The following FUT8 variants were observed in gnomAD, a reference collection of about 807,000 sequenced individuals.
FUT8 encodes the protein alpha-(1,6)-fucosyltransferase.
FUT8 carries 29 observed loss-of-function variants against 71.3 expected under a neutral mutation model. The observed-to-expected ratio is 0.41, with a 90% confidence interval of 0.30 to 0.55. The LOEUF (loss-of-function observed/expected upper bound fraction) is 0.55. FUT8 is among the 20% of genes least tolerant of loss of function. The pLI, the probability that FUT8 is intolerant of heterozygous loss-of-function variation, is 0.34. For missense variants in FUT8, 544 were observed against 702.1 expected (o/e 0.77, Z 2.55); for synonymous variants, 254 against 239.3 (o/e 1.06, Z -0.57).
At chr14:65,505,708 A>C (rs1163881200) in intron 2 of FUT8, among the ~76,000 whole-genome samples, 1 of 152,080 alleles carries the variant, frequency 6.6e-6, no homozygotes, top group African/African-American at 2.4e-5. Flanking sequence ...TGGAACTTTT[A>C]TAGTATTTTC....
the FUT8 span, among the ~76,000 whole-genome samples, chr14:65,361,609 G>A: frequency 4.0e-5 from 6 of 151,764 alleles, 1 homozygote; most frequent in South Asian, 8.3e-4. Flanking sequence ...CCAACATGGC[G>A]AAACCCTGTC....
intron 2 of FUT8, among the ~76,000 whole-genome samples, chr14:65,464,259 G>GTTTTTTTTTTT (rs3084724): frequency 8.6e-6 from 1 of 116,540 alleles, no homozygotes; most frequent in Non-Finnish European, 1.7e-5. Flanking sequence ...AGTACTTTGG[G>GTTTTTTTTTTT]TTTTTTTTTT....
the FUT8 span, among the ~76,000 whole-genome samples, chr14:65,404,333 A>C: frequency 6.6e-6 from 1 of 151,136 alleles, no homozygotes; most frequent in African/African-American, 2.4e-5. Context: ...CATAGCGCCC[A>C]GCTAATTTTT....
At position 65,652,445 on chromosome 14, in the gene FUT8, G is replaced by A. The variant is rs1244821682; in HGVS notation, c.598-16798G>A. On this transcript the variant is annotated intron_variant, in intron 6 of 10. Transcript: ENST00000673929. The surrounding 1 kb of genome is among the most constrained non-coding windows in gnomAD (Gnocchi z 4.0). ...TAGTGTACTTCTTCTTCTGGCCTTT[G>A]GATATGATGTGAGAAGCTTGAGAGG... Among the ~76,000 whole-genome samples, 3 of 152,140 alleles carry A rather than the reference G, an allele frequency of 2.0e-5. No homozygotes were observed. The highest frequency in any genetic ancestry group is 4.4e-5 in the Non-Finnish European group (3 of 68,024).
intron 1 of FUT8, among the ~76,000 whole-genome samples, chr14:65,431,162 ATT>A (rs34255715): frequency 1.6e-4 from 21 of 127,448 alleles, no homozygotes; most frequent in Admixed American, 1.6e-4. Flanking sequence ...TACCCGGCTA[ATT>A]TTTTTTTTTT....
Position 65,742,959 on chromosome 14 carries a change from T to G in FUT8, c.*549T>G, listed in dbSNP as rs1420146357. ...TTTTCCTTTATAAGGTTGTCTGTTT[T>G]TTTTTTTTTAAATAATTGCATCAGT... On this transcript the variant is annotated 3_prime_UTR_variant, in exon 11 of 11. Coordinates refer to ENST00000673929, the MANE Select transcript of FUT8 (RefSeq NM_001371533.1). The G allele has an allele frequency of 2.0e-5, 3 of 152,346 alleles. No individual in the cohort carries two copies. The highest frequency in any genetic ancestry group is 7.3e-5 in the African/African-American group (3 of 41,364). The allele number at this position is 152,346 out of a possible 1,614,324, so 9.4% of individuals were successfully genotyped here. A position where few individuals can be genotyped will look rare whatever the true frequency, so the allele number is the denominator to read the frequency against.
intron 3 of FUT8, among the ~76,000 whole-genome samples, chr14:65,592,801 T>C (rs1887762568): frequency 6.6e-6 from 1 of 152,180 alleles, no homozygotes; most frequent in Non-Finnish European, 1.5e-5. Flanking sequence ...GCATCTCATG[T>C]ATTTCTGTCT....
intron 2 of FUT8, among the ~76,000 whole-genome samples, chr14:65,524,624 G>A (rs1594735775): frequency 6.6e-6 from 1 of 152,280 alleles, no homozygotes; most frequent in Middle Eastern, 3.4e-3. Context: ...AATAGGAGTG[G>A]TGAGCGAGGG....
intron 7 of FUT8, among the ~76,000 whole-genome samples, chr14:65,697,310 G>A (rs1339772094): frequency 6.6e-6 from 1 of 152,086 alleles, no homozygotes; most frequent in African/African-American, 2.4e-5. Context: ...TCCTGAAATA[G>A]GCAGTTCTTT....
Position 65,550,540 on chromosome 14 carries a change from TATACC to T in FUT8, c.-227-10794_-227-10790del, listed in dbSNP as rs2140002044. Among the ~76,000 whole-genome samples, 1 of 152,346 alleles carries T rather than the reference TATACC, an allele frequency of 6.6e-6. No homozygotes were observed. Among genetic ancestry groups the T allele is most frequent in the South Asian group, 2.1e-4 (1 of 4,828 alleles). ...GTTTCTACTGAATATATATTGCTTT[TATACC>T]ATCATAAAGTTGAAAAATTGTTAAG... On this transcript the variant is annotated intron_variant, in intron 2 of 10. Coordinates refer to ENST00000673929, the MANE Select transcript of FUT8 (RefSeq NM_001371533.1). The surrounding 1 kb of genome is among the most constrained non-coding windows in gnomAD (Gnocchi z 4.5).
chr14:65,542,396 T>C lies in FUT8; in HGVS notation c.-227-18941T>C, dbSNP rs1884726914. ...TCCCTCTGTGTCCTAACTGTTCACC[T>C]AACATATTATGTGTATTTGTCTTTA... On this transcript the variant is annotated intron_variant, in intron 2 of 10. Transcript: ENST00000673929. Among the ~76,000 whole-genome samples, 2 of 152,228 alleles carry C rather than the reference T, an allele frequency of 1.3e-5. 1 individual carries two copies. Among genetic ancestry groups the C allele is most frequent in the South Asian group, 4.1e-4 (2 of 4,834 alleles).
At chr14:65,503,623 C>T (rs988392214) in intron 2 of FUT8, among the ~76,000 whole-genome samples, 1 of 152,200 alleles carries the variant, frequency 6.6e-6, no homozygotes, top group Non-Finnish European at 1.5e-5. Context: ...TGCCATCCTT[C>T]AAGAGCCTCT....
At chr14:65,473,220 G>A (rs2139644751) in intron 2 of FUT8, among the ~76,000 whole-genome samples, 1 of 152,160 alleles carries the variant, frequency 6.6e-6, no homozygotes, top group Non-Finnish European at 1.5e-5. Context: ...CTGTTAGGTT[G>A]GTCAGACTGA....
At position 65,561,541 on chromosome 14, in the gene FUT8, G is replaced by T; in HGVS notation, c.-23G>T. ...AATTCTTTGAGCTCCAGGACTCCAG[G>T]GAAGTGAGTTGAAAATCTGAAAATG... On this transcript the variant is annotated 5_prime_UTR_variant, in exon 3 of 11. Coordinates refer to ENST00000673929, the MANE Select transcript of FUT8 (RefSeq NM_001371533.1). 6.2e-7 allele frequency: 1 copy of T among 1,610,474 alleles called. No homozygotes were observed. Among genetic ancestry groups the T allele is most frequent in the Non-Finnish European group, 8.5e-7 (1 of 1,177,400 alleles).
chr14:65,676,991 AAAT>A (rs1892745470), intron 7 of FUT8, among the ~76,000 whole-genome samples: 1 of 152,118 alleles, frequency 6.6e-6, no homozygotes, highest in Non-Finnish European at 1.5e-5. Flanking sequence ...ATGGAATAGG[AAAT>A]AATAAAGTCC....
intron 2 of FUT8, among the ~76,000 whole-genome samples, chr14:65,497,762 T>G (rs934612297): frequency 2.6e-5 from 4 of 152,146 alleles, no homozygotes; most frequent in Non-Finnish European, 5.9e-5. Flanking sequence ...TATATCATTT[T>G]ATTCAGTTAT....
chr14:65,427,892 G>T (rs558158753), intron 1 of FUT8, among the ~76,000 whole-genome samples: 2 of 152,208 alleles, frequency 1.3e-5, no homozygotes, highest in South Asian at 2.1e-4. Flanking sequence ...CCATGGTTTT[G>T]CCATTTCTTG....
chr14:65,602,107 A>G (rs896579640), intron 3 of FUT8, among the ~76,000 whole-genome samples: 3 of 151,488 alleles, frequency 2.0e-5, no homozygotes, highest in Non-Finnish European at 4.4e-5. Context: ...CCCAATTTGT[A>G]GTGTTTTATC....
intron 5 of FUT8, among the ~76,000 whole-genome samples, chr14:65,623,189 C>G (rs1407632649): frequency 6.6e-6 from 1 of 152,146 alleles, no homozygotes; most frequent in Non-Finnish European, 1.5e-5. Context: ...CCACGCCCGA[C>G]CAAACTTCTC....
Sources: gnomAD v4.1 joint callset for allele counts (sites outside exome capture counted in the v4.1 genomes callset) on GRCh38, gnomAD v4.1.1 for gene constraint, Gnocchi (gnomAD v3.1) non-coding constraint, MANE v1.5 for transcripts, NCBI Gene and HGNC (gene_info 2026-07-23, HGNC 2026-07-21) for gene names.